Variants in CNTNAP2 observed in about 807,000 individuals in gnomAD.
CNTNAP2 encodes the protein contactin-associated protein-like 2.
Under a neutral mutation model 155.2 loss-of-function variants are expected in CNTNAP2, and 98 were observed. That is an observed-to-expected ratio of 0.63 (90% CI 0.54 to 0.75). The LOEUF (loss-of-function observed/expected upper bound fraction) is 0.75. Ranked by LOEUF, CNTNAP2 falls within the 30% of genes least tolerant of loss-of-function variation. The pLI is 0.00. For missense variants in CNTNAP2, 1,727 were observed against 1,688.1 expected (o/e 1.02, Z -0.40); for synonymous variants, 651 against 631.2 (o/e 1.03, Z -0.47).
At chr7:147,043,561 A>G (rs1799299372) in intron 3 of CNTNAP2, among the ~76,000 whole-genome samples, 2 of 152,242 alleles carry the variant, frequency 1.3e-5, no homozygotes, top group Admixed American at 1.3e-4. Context: ...AGCAAGACAT[A>G]TGGTTAGATG....
At chr7:146,653,215 C>T (rs1398890662) in intron 1 of CNTNAP2, among the ~76,000 whole-genome samples, 1 of 152,156 alleles carries the variant, frequency 6.6e-6, no homozygotes, top group East Asian at 1.9e-4. Context: ...AGTAGTCATT[C>T]TTCAGTGTTG....
chr7:146,538,029 A>G (rs928639767), intron 1 of CNTNAP2, among the ~76,000 whole-genome samples: 3 of 152,242 alleles, frequency 2.0e-5, no homozygotes, highest in South Asian at 2.1e-4. Context: ...TTGAAAATAG[A>G]TGGTGAGTCA....
At chr7:148,409,576 A>G (rs867963694) in intron 23 of CNTNAP2, 105 bp downstream of exon 23, 11 of 930,746 alleles carry the variant, frequency 1.2e-5, no homozygotes, top group Non-Finnish European at 1.7e-5. Context: ...AGGTTTTTAC[A>G]TTATTCATTT....
chr7:146,959,868 C>G (rs1018940776), intron 3 of CNTNAP2, among the ~76,000 whole-genome samples: 1 of 152,092 alleles, frequency 6.6e-6, no homozygotes, highest in Non-Finnish European at 1.5e-5. Context: ...GATTGTCAAG[C>G]TGAGGTTAAA....
In CNTNAP2 at chr7:146,999,794, G is replaced by C. The variant is rs567041264; in HGVS notation, c.403-44113G>C. ...ATTTGTGGTTTGCTTCTTCGCTCCT[G>C]CTGCTTTCCAAATCCTCTTTTTTCT... On this transcript the variant is annotated intron_variant, in intron 3 of 23. Transcript: ENST00000361727. Among the ~76,000 whole-genome samples the C allele has an allele frequency of 5.3e-5, 8 of 152,062 alleles. No individual in the cohort carries two copies. In the South Asian group the frequency reaches 1.7e-3, roughly 32 times the overall value.
At chr7:146,411,522 A>G (rs1795864316) in intron 1 of CNTNAP2, among the ~76,000 whole-genome samples, 1 of 152,182 alleles carries the variant, frequency 6.6e-6, no homozygotes, top group Non-Finnish European at 1.5e-5. Context: ...AATGTTAATT[A>G]ACATTTGTTA....
chr7:146,693,860 A>G (rs1800739101), intron 1 of CNTNAP2, among the ~76,000 whole-genome samples: 1 of 151,884 alleles, frequency 6.6e-6, no homozygotes. Context: ...TGCATTAGCT[A>G]TTTTTCCTAA....
At chr7:147,126,062 A>G (rs1198642186) in intron 6 of CNTNAP2, among the ~76,000 whole-genome samples, 1 of 152,180 alleles carries the variant, frequency 6.6e-6, no homozygotes, top group African/African-American at 2.4e-5. Context: ...TCCCCCTCTT[A>G]ATGACAGTTC....
At chr7:148,232,873 C>A (rs1795987680) in intron 20 of CNTNAP2, among the ~76,000 whole-genome samples, 1 of 152,214 alleles carries the variant, frequency 6.6e-6, no homozygotes, top group Admixed American at 6.5e-5. Flanking sequence ...TCAGCACACA[C>A]CCTGTGAAAC....
chr7:147,975,180 A>C (rs1296518205), intron 14 of CNTNAP2, among the ~76,000 whole-genome samples: 2 of 151,728 alleles, frequency 1.3e-5, no homozygotes, highest in Non-Finnish European at 2.9e-5. Context: ...TAAATATTTA[A>C]AGTTGGGTAG....
At chr7:146,156,793 G>T (rs1317770101) in intron 1 of CNTNAP2, among the ~76,000 whole-genome samples, 1 of 152,090 alleles carries the variant, frequency 6.6e-6, no homozygotes, top group African/African-American at 2.4e-5. Flanking sequence ...GTAAAAACAG[G>T]TTTCACCATG....
chr7:148,336,551 A>AAACAG (rs1563048624), intron 21 of CNTNAP2, among the ~76,000 whole-genome samples: 2 of 145,780 alleles, frequency 1.4e-5, no homozygotes, highest in African/African-American at 2.5e-5. Flanking sequence ...GATGAAAAAG[A>AAACAG]AAAAAAAAAA....
At chr7:146,338,949 G>A (rs78568069) in intron 1 of CNTNAP2, among the ~76,000 whole-genome samples, 3 of 152,130 alleles carry the variant, frequency 2.0e-5, no homozygotes, top group Admixed American at 6.6e-5. Context: ...TTGGGAGGCC[G>A]AGGTGGGTGG....
intron 4 of CNTNAP2, among the ~76,000 whole-genome samples, chr7:147,057,338 T>C (rs1471177248): frequency 2.0e-5 from 3 of 152,198 alleles, no homozygotes; most frequent in African/African-American, 7.2e-5. Flanking sequence ...CCTCATTTCT[T>C]CTATTTTTTT....
chr7:148,402,033 C>T (rs1799595560), intron 22 of CNTNAP2, among the ~76,000 whole-genome samples: 1 of 152,144 alleles, frequency 6.6e-6, no homozygotes, highest in Non-Finnish European at 1.5e-5. Context: ...AACTAAGTAA[C>T]TGATGGAAAG....
rs553856207 is a variant in CNTNAP2 at position 148,276,725 on chromosome 7, A to G, written c.3475+9599A>G. ...GGAAGGATGTTTTTTAATCCATAGA[A>G]TAACGTGATCAGATTGACACTTTAG... On this transcript the variant is annotated intron_variant, in intron 21 of 23. Transcript: ENST00000361727. Among the ~76,000 whole-genome samples the G allele has an allele frequency of 7.2e-5, 11 of 152,366 alleles. No homozygotes were observed. The South Asian group carries it at 1.9e-3, about 26-fold the overall frequency.
At chr7:147,361,312 A>T in intron 9 of CNTNAP2, among the ~76,000 whole-genome samples, 1 of 152,196 alleles carries the variant, frequency 6.6e-6, no homozygotes, top group East Asian at 1.9e-4. Context: ...AATTTTATAC[A>T]TTCTTGCTAT....
chr7:147,369,101 T>A (rs1204317972), intron 9 of CNTNAP2, among the ~76,000 whole-genome samples: 1 of 152,240 alleles, frequency 6.6e-6, no homozygotes, highest in East Asian at 1.9e-4. Context: ...CTTTGAATAC[T>A]TTCTAACCAC....
In CNTNAP2 at chr7:147,935,848, AT is replaced by A. The variant is rs1800597843; in HGVS notation, c.2255+32131del. On this transcript the variant is annotated intron_variant, in intron 14 of 23. Coordinates refer to ENST00000361727, the MANE Select transcript of CNTNAP2 (RefSeq NM_014141.6). ...ATATGTTTACTCTCTCCACTTCATT[AT>A]TTTCTTCCTCAGTGCAAATATGTTT... 2.0e-5 allele frequency among the ~76,000 whole-genome samples: 3 copies of A among 152,148 alleles called. 1 individual carries two copies. The highest frequency in any genetic ancestry group is 4.4e-5 in the Non-Finnish European group (3 of 68,026).
Sources: gnomAD v4.1 joint callset for allele counts (sites outside exome capture counted in the v4.1 genomes callset) on GRCh38, gnomAD v4.1.1 for gene constraint, MANE v1.5 for transcripts, NCBI Gene and HGNC (gene_info 2026-07-23, HGNC 2026-07-21) for gene names.